Variants in CLVS1 observed in about 807,000 individuals in gnomAD.
The protein encoded by CLVS1 is clavesin 1, also known as clavesin-1.
A neutral mutation model predicts 33.1 loss-of-function variants in CLVS1; 10 were observed. The observed-to-expected ratio is 0.30, with a 90% CI of 0.19 to 0.51. The LOEUF (loss-of-function observed/expected upper bound fraction) is 0.51, where lower values mean the gene tolerates loss of function less well. CLVS1 is among the 20% of genes least tolerant of loss of function. The pLI is 0.97. For synonymous variants in CLVS1, 163 were observed against 166.1 expected, an observed-to-expected ratio of 0.98 and a Z score of 0.14; for missense variants, 343 against 433.4, an observed-to-expected ratio of 0.79 and a Z score of 1.85.
At chr8:61,430,906 G>A (rs1045102820) in intron 3 of CLVS1, among the ~76,000 whole-genome samples, 4 of 152,146 alleles carry the variant, frequency 2.6e-5, no homozygotes, top group African/African-American at 9.7e-5. Flanking sequence ...TTCTCTTTCA[G>A]GACATGAAGA....
the CLVS1 span, among the ~76,000 whole-genome samples, chr8:61,021,169 G>T: frequency 1.3e-5 from 2 of 152,256 alleles, no homozygotes; most frequent in South Asian, 2.1e-4. Context: ...AGCTCTAAAT[G>T]AGAAAATCTG....
In CLVS1 at chr8:61,152,480, G is replaced by A. The variant is rs577915330; in HGVS notation, c.-152+20620G>A. Among the ~76,000 whole-genome samples the A allele has an allele frequency of 1.2e-4, 19 of 152,276 alleles. 1 individual carries two copies. Among genetic ancestry groups the A allele is most frequent in the South Asian group, 4.2e-4 (2 of 4,814 alleles). ...CCAAGATCAAGGCTCCGGTGGGTTCGTTTGTATGGAGAAAGCTGCTTTCTT... is the reference window on the plus strand; with the variant it reads ...CCAAGATCAAGGCTCCGGTGGGTTCATTTGTATGGAGAAAGCTGCTTTCTT... On this transcript the variant is annotated intron_variant, in intron 2 of 2. Transcript: ENST00000522621.
chr8:60,980,651 G>A, the CLVS1 span, among the ~76,000 whole-genome samples: 1 of 152,112 alleles, frequency 6.6e-6, no homozygotes, highest in African/African-American at 2.4e-5. Context: ...CTGGTATGGT[G>A]GCACATGCCT....
intron 3 of CLVS1, chr8:61,391,297 T>G (rs1035380553): frequency 6.6e-6 from 1 of 152,224 alleles, no homozygotes; most frequent in African/African-American, 2.4e-5. Context: ...AGCAACTATT[T>G]ATTCAACTTA....
the CLVS1 span, chr8:60,967,531 C>T: frequency 2.5e-6 from 1 of 396,552 alleles, no homozygotes; most frequent in Non-Finnish European, 5.1e-6. Context: ...CAGAAGGGGA[C>T]GGCTTGAGGT....
intron 2 of CLVS1, among the ~76,000 whole-genome samples, chr8:61,339,571 A>G (rs960531425): frequency 2.6e-5 from 4 of 152,124 alleles, no homozygotes; most frequent in Non-Finnish European, 5.9e-5. Context: ...CCTGTGCCCA[A>G]GGGGACCCCT....
intron 2 of CLVS1, among the ~76,000 whole-genome samples, chr8:61,166,034 T>TTTTTTTTTG (rs1554541695): frequency 0.016 from 2,290 of 147,000 alleles, 172 homozygotes; most frequent in Non-Finnish European, 0.024. Flanking sequence ...TCTAAGCGTT[T>TTTTTTTTTG]TTTTTTTTTT....
In CLVS1 at chr8:61,364,780, A is replaced by G. The variant is rs572434227; in HGVS notation, c.456-11825A>G. ...TGTAAAAGCATGTTATCCTTGTAGAATGTATTGATCTCTTTATTAAATACG... is the reference window on the plus strand; with the variant it reads ...TGTAAAAGCATGTTATCCTTGTAGAGTGTATTGATCTCTTTATTAAATACG... On this transcript the variant is annotated intron_variant, in intron 2 of 5. Transcript: ENST00000325897. 2.6e-5 allele frequency among the ~76,000 whole-genome samples: 4 copies of G among 152,320 alleles called. No homozygotes were observed. The South Asian group carries it at 8.3e-4, about 32-fold the overall frequency.
At chr8:61,375,360 C>T (rs1813602357) in intron 2 of CLVS1, among the ~76,000 whole-genome samples, 1 of 151,818 alleles carries the variant, frequency 6.6e-6, no homozygotes, top group Non-Finnish European at 1.5e-5. Context: ...AAGCGATTCT[C>T]CTGCCTCAGC....
chr8:61,325,553 T>C (rs904799757), intron 2 of CLVS1, among the ~76,000 whole-genome samples: 1 of 152,164 alleles, frequency 6.6e-6, no homozygotes, highest in East Asian at 1.9e-4. Flanking sequence ...ATAAGCCACA[T>C]CTATTCTTGT....
chr8:61,414,460 A>AT (rs1339387609), intron 3 of CLVS1, among the ~76,000 whole-genome samples: 1 of 147,670 alleles, frequency 6.8e-6, no homozygotes, highest in Non-Finnish European at 1.5e-5. Context: ...TTGAGCTGAG[A>AT]TTTTTTAATG....
intron 2 of CLVS1, among the ~76,000 whole-genome samples, chr8:61,250,425 T>G (rs769838592): frequency 1.2e-4 from 18 of 152,158 alleles, no homozygotes; most frequent in Admixed American, 3.9e-4. Context: ...CCATATGAAG[T>G]TTAAAGTAGT....
At chr8:61,209,416 T>G (rs1184538457) in intron 2 of CLVS1, among the ~76,000 whole-genome samples, 1 of 152,230 alleles carries the variant, frequency 6.6e-6, no homozygotes, top group East Asian at 1.9e-4. Flanking sequence ...TGAACTATGA[T>G]AGAACATTGG....
intron 2 of CLVS1, among the ~76,000 whole-genome samples, chr8:61,213,519 T>A (rs894708622): frequency 6.0e-5 from 9 of 150,736 alleles, no homozygotes; most frequent in African/African-American, 2.0e-4. Context: ...CATTTATTAG[T>A]TCCCCAGATT....
At chr8:60,983,602 T>C in the CLVS1 span, among the ~76,000 whole-genome samples, 1 of 152,130 alleles carries the variant, frequency 6.6e-6, no homozygotes, top group Admixed American at 6.5e-5. Context: ...GGGAAGACTC[T>C]GGAAGCTCAG....
chr8:61,149,952 A>G (rs1806494869), intron 2 of CLVS1, among the ~76,000 whole-genome samples: 1 of 152,180 alleles, frequency 6.6e-6, no homozygotes, highest in Non-Finnish European at 1.5e-5. Flanking sequence ...TCTGCTTATT[A>G]AGGAAGCACA....
intron 2 of CLVS1, among the ~76,000 whole-genome samples, chr8:61,152,939 G>A (rs1365124177): frequency 6.6e-6 from 1 of 152,078 alleles, no homozygotes; most frequent in Non-Finnish European, 1.5e-5. Flanking sequence ...CTTTCAGAAG[G>A]TGGGCGGATA....
intron 3 of CLVS1, among the ~76,000 whole-genome samples, chr8:61,442,430 G>A (rs934508672): frequency 1.7e-4 from 26 of 152,174 alleles, no homozygotes; most frequent in Non-Finnish European, 3.5e-4. Flanking sequence ...GTAAACATAA[G>A]TTTTTATTTC....
At chr8:61,478,235 AACTAT>A (rs1818031903) in intron 5 of CLVS1, among the ~76,000 whole-genome samples, 1 of 152,168 alleles carries the variant, frequency 6.6e-6, no homozygotes, top group Non-Finnish European at 1.5e-5. Flanking sequence ...CTGTACTTCC[AACTAT>A]GTGGTCAATT....
Sources: gnomAD v4.1 joint callset for allele counts (sites outside exome capture counted in the v4.1 genomes callset) on GRCh38, gnomAD v4.1.1 for gene constraint, MANE v1.5 for transcripts, NCBI Gene and HGNC (gene_info 2026-07-23, HGNC 2026-07-21) for gene names.